The following PDE1A variants were observed in gnomAD, a reference collection of about 807,000 sequenced individuals.
The protein encoded by PDE1A is phosphodiesterase 1A, also known as dual specificity calcium/calmodulin-dependent 3',5'-cyclic nucleotide phosphodiesterase 1A.
A neutral mutation model predicts 61.7 loss-of-function variants in PDE1A; 35 were observed. That is an observed-to-expected ratio of 0.57 (90% confidence interval 0.43 to 0.75). The LOEUF (loss-of-function observed/expected upper bound fraction) is 0.75, where lower values mean the gene tolerates loss of function less well. PDE1A is among the 30% of genes least tolerant of loss of function. PDE1A has a pLI of 0.00. For missense variants in PDE1A, 597 were observed against 630.6 expected, an observed-to-expected ratio of 0.95 and a Z score of 0.57; for synonymous variants, 232 against 213.2, an observed-to-expected ratio of 1.09 and a Z score of -0.77.
chr2:182,476,894 TAA>T (rs36121688), intron 2 of PDE1A, among the ~76,000 whole-genome samples: 2 of 109,784 alleles, frequency 1.8e-5, no homozygotes, highest in African/African-American at 3.2e-5. Context: ...AAGGTTTTCA[TAA>T]AAAAAAAAAA....
chr2:182,615,363 G>A, the PDE1A span, among the ~76,000 whole-genome samples: 1 of 151,900 alleles, frequency 6.6e-6, no homozygotes, highest in African/African-American at 2.4e-5. Context: ...TGCCCCAAAA[G>A]CAGTAAGAGA....
In PDE1A at chr2:182,215,538, AAG is replaced by A. The variant is rs1559200737; in HGVS notation, c.776+8324_776+8325del. Reference sequence around the variant, plus strand: ...CGCTAGCAAGACTAATAAAGAAAAAAAGAGAGAAGAATCTAATAGACGCAATA... The same window carrying A: ...CGCTAGCAAGACTAATAAAGAAAAAAAGAGAAGAATCTAATAGACGCAATA... On this transcript the variant is annotated intron_variant, in intron 7 of 13. Transcript: ENST00000351439. Among the ~76,000 whole-genome samples, 6 of 151,286 alleles carry A rather than the reference AAG, an allele frequency of 4.0e-5. No homozygotes were observed. In the South Asian group the frequency reaches 1.3e-3, roughly 32 times the overall value.
the PDE1A span, among the ~76,000 whole-genome samples, chr2:182,682,384 A>G: frequency 6.6e-6 from 1 of 152,182 alleles, no homozygotes; most frequent in Admixed American, 6.5e-5. Flanking sequence ...AGGCAGGGGT[A>G]AGGAAGAAAT....
intron 9 of PDE1A, 26 bp downstream of exon 9, chr2:182,201,662 A>AC (rs1553535451): frequency 4.5e-6 from 7 of 1,544,914 alleles, no homozygotes; most frequent in Non-Finnish European, 6.1e-6. Context: ...AAAAAAAAAA[A>AC]ACAACAAAAA....
intron 1 of PDE1A, among the ~76,000 whole-genome samples, chr2:182,346,379 A>G (rs761619925): frequency 1.3e-5 from 2 of 152,226 alleles, no homozygotes; most frequent in Non-Finnish European, 2.9e-5. Flanking sequence ...TAAAATTTCC[A>G]TAAAAGAGCA....
At chr2:182,364,491 A>AACAACAACAAC in intron 1 of PDE1A, among the ~76,000 whole-genome samples, 1 of 144,388 alleles carries the variant, frequency 6.9e-6, no homozygotes, top group African/African-American at 2.5e-5. Context: ...AAAAAAAAAA[A>AACAACAACAAC]AAAAAAAACC....
chr2:182,230,017 T>G, exon 6 of PDE1A: 1 of 1,612,112 alleles, frequency 6.2e-7, no homozygotes, highest in Non-Finnish European at 8.5e-7. Flanking sequence ...ATGATACCTG[T>G]ATGAAGCATT....
chr2:182,531,562 C>T, the PDE1A span, among the ~76,000 whole-genome samples: 2 of 152,086 alleles, frequency 1.3e-5, no homozygotes, highest in African/African-American at 2.4e-5. Context: ...ACATAAAAAT[C>T]GAGTTTCCAA....
the PDE1A span, among the ~76,000 whole-genome samples, chr2:182,616,769 G>A: frequency 6.6e-6 from 1 of 152,126 alleles, no homozygotes; most frequent in Non-Finnish European, 1.5e-5. Context: ...TACCAATCCT[G>A]GACCTGCCCC....
chr2:182,342,100 A>G (rs1469518281), intron 1 of PDE1A, among the ~76,000 whole-genome samples: 2 of 152,114 alleles, frequency 1.3e-5, no homozygotes, highest in African/African-American at 4.8e-5. Flanking sequence ...ATATATTAGC[A>G]GAATTTTCTC....
At chr2:182,570,691 GT>G in the PDE1A span, among the ~76,000 whole-genome samples, 2 of 152,156 alleles carry the variant, frequency 1.3e-5, no homozygotes, top group East Asian at 3.8e-4. Context: ...TTAAAATAGG[GT>G]AAAAAGGAAA....
At chr2:182,463,800 C>A (rs1686471261) in intron 2 of PDE1A, 1 of 152,130 alleles carries the variant, frequency 6.6e-6, no homozygotes, top group African/African-American at 2.4e-5. Flanking sequence ...CCACTTATTA[C>A]AAATTCAGAG....
chr2:182,565,847 A>G, the PDE1A span, among the ~76,000 whole-genome samples: 2 of 152,178 alleles, frequency 1.3e-5, no homozygotes, highest in African/African-American at 2.4e-5. Flanking sequence ...TCCCAGGTTA[A>G]ACAACTCAGC....
At chr2:182,685,665 C>T in the PDE1A span, among the ~76,000 whole-genome samples, 1 of 152,328 alleles carries the variant, frequency 6.6e-6, no homozygotes, top group East Asian at 1.9e-4. Context: ...CCTGTCTGCA[C>T]TCTGTCTGAG....
the PDE1A span, among the ~76,000 whole-genome samples, chr2:182,530,339 TG>T: frequency 0.9 from 137,041 of 152,106 alleles, 61,932 homozygotes; most frequent in East Asian, 1. Context: ...AGATGCCAGA[TG>T]AAAAGCAGGG....
chr2:182,244,568 G>A (rs1864848), intron 2 of PDE1A, among the ~76,000 whole-genome samples: 107,928 of 151,434 alleles, frequency 0.71, 38,884 homozygotes, highest in African/African-American at 0.83. Flanking sequence ...CTTTTTCTTT[G>A]TTTTAATTGT....
the PDE1A span, among the ~76,000 whole-genome samples, chr2:182,568,405 G>C: frequency 1.3e-5 from 2 of 151,970 alleles, no homozygotes; most frequent in Non-Finnish European, 2.9e-5. Flanking sequence ...AAGACTGGGC[G>C]CGGTGGCTCA....
chr2:182,231,082 C>T (rs1377570136), exon 5 of PDE1A: 1 of 1,609,510 alleles, frequency 6.2e-7, no homozygotes, highest in African/African-American at 1.3e-5. Flanking sequence ...ACTATGCTCT[C>T]CACTTGCTTC....
chr2:182,280,518 CTTGA>C (rs1471653446), intron 1 of PDE1A, among the ~76,000 whole-genome samples: 4 of 152,004 alleles, frequency 2.6e-5, no homozygotes, highest in South Asian at 2.1e-4. Context: ...TTTCTTCCCA[CTTGA>C]TTGATAGTCT....
Sources: gnomAD v4.1 joint callset for allele counts (sites outside exome capture counted in the v4.1 genomes callset) on GRCh38, gnomAD v4.1.1 for gene constraint, MANE v1.5 for transcripts, NCBI Gene and HGNC (gene_info 2026-07-23, HGNC 2026-07-21) for gene names.